KHDRBS2: variants seen among roughly 807,000 people sequenced by gnomAD.
KHDRBS2 encodes KH domain-containing, RNA-binding, signal transduction-associated protein 2.
KHDRBS2 carries 26 observed loss-of-function variants against 44.3 expected under a neutral mutation model. That is an observed-to-expected ratio of 0.59 (90% confidence interval 0.43 to 0.81). The LOEUF is 0.81. KHDRBS2 is among the 40% of genes least tolerant of loss of function. The pLI, the probability that KHDRBS2 is intolerant of heterozygous loss-of-function variation, is 0.00. For missense variants in KHDRBS2, 476 were observed against 433.1 expected (o/e 1.10, Z -0.88); for synonymous variants, 194 against 151.1 (o/e 1.28, Z -2.08).
At chr6:61,714,077 C>G (rs7775168) in intron 7 of KHDRBS2, among the ~76,000 whole-genome samples, 4,696 of 151,550 alleles carry the variant, frequency 0.031, 252 homozygotes, top group African/African-American at 0.11. Context: ...TTCTGCACAG[C>G]AAAATAAATA....
intron 1 of KHDRBS2, among the ~76,000 whole-genome samples, chr6:62,200,876 A>G (rs1041957451): frequency 6.6e-5 from 10 of 151,988 alleles, no homozygotes; most frequent in Non-Finnish European, 1.5e-4. Context: ...AAAATGTGGC[A>G]CATATACACC....
chr6:61,951,876 A>G (rs562739237), intron 4 of KHDRBS2, among the ~76,000 whole-genome samples: 60 of 151,126 alleles, frequency 4.0e-4, no homozygotes, highest in African/African-American at 1.3e-3. Context: ...AGTTCAAAGG[A>G]CACATTAGAG....
chr6:61,751,647 T>G (rs1777707762), intron 6 of KHDRBS2, among the ~76,000 whole-genome samples: 1 of 152,206 alleles, frequency 6.6e-6, no homozygotes, highest in South Asian at 2.1e-4. Flanking sequence ...GCTGCTATTT[T>G]AATTTTAGGG....
chr6:62,213,094 G>A (rs1221403111), intron 1 of KHDRBS2, among the ~76,000 whole-genome samples: 5 of 152,172 alleles, frequency 3.3e-5, no homozygotes, highest in Non-Finnish European at 5.9e-5. Flanking sequence ...GTCAGCAGAC[G>A]TAGCAAGTGT....
chr6:62,164,921 A>AT (rs1315974587), intron 2 of KHDRBS2, among the ~76,000 whole-genome samples: 1 of 151,852 alleles, frequency 6.6e-6, no homozygotes, highest in African/African-American at 2.4e-5. Flanking sequence ...TGAGGTTCAC[A>AT]TTTTTTTGAA....
At chr6:61,809,306 A>C (rs1582950464) in intron 6 of KHDRBS2, among the ~76,000 whole-genome samples, 1 of 152,158 alleles carries the variant, frequency 6.6e-6, no homozygotes, top group African/African-American at 2.4e-5. Flanking sequence ...ATGGCAATAG[A>C]AGAAAAGCTA....
At chr6:61,718,292 A>G (rs778751767) in intron 7 of KHDRBS2, among the ~76,000 whole-genome samples, 4 of 152,116 alleles carry the variant, frequency 2.6e-5, no homozygotes, top group Non-Finnish European at 4.4e-5. Context: ...AAATGTAGAT[A>G]TGTATATTCA....
the KHDRBS2 span, among the ~76,000 whole-genome samples, chr6:61,590,096 T>G: frequency 6.6e-6 from 1 of 152,184 alleles, no homozygotes; most frequent in African/African-American, 2.4e-5. Flanking sequence ...AGCTCAATAG[T>G]TTAGCCTATT....
intron 2 of KHDRBS2, among the ~76,000 whole-genome samples, chr6:62,065,424 A>G (rs1044350263): frequency 1.1e-4 from 17 of 148,890 alleles, no homozygotes; most frequent in Non-Finnish European, 2.1e-4. Flanking sequence ...AAAATGTGGT[A>G]CATATACACC....
the KHDRBS2 span, among the ~76,000 whole-genome samples, chr6:61,563,841 A>C: frequency 6.6e-6 from 1 of 152,282 alleles, no homozygotes; most frequent in African/African-American, 2.4e-5. Context: ...AGCTCACTGC[A>C]GTGTGTGAAA....
intron 6 of KHDRBS2, among the ~76,000 whole-genome samples, chr6:61,790,757 A>C (rs527383854): frequency 6.6e-5 from 10 of 151,692 alleles, no homozygotes; most frequent in Non-Finnish European, 1.0e-4. Context: ...AGGTTTTGAC[A>C]TCCAATTTAT....
intron 2 of KHDRBS2, among the ~76,000 whole-genome samples, chr6:62,115,799 GTTAA>G (rs1562898340): frequency 6.6e-6 from 1 of 151,626 alleles, no homozygotes; most frequent in African/African-American, 2.4e-5. Flanking sequence ...CTTTTTTAAC[GTTAA>G]TTATATATTG....
At chr6:62,167,995 G>T (rs1819063053) in intron 2 of KHDRBS2, among the ~76,000 whole-genome samples, 1 of 152,096 alleles carries the variant, frequency 6.6e-6, no homozygotes, top group Non-Finnish European at 1.5e-5. Context: ...ACACTCTGTG[G>T]GAAGACATGG....
chr6:61,597,730 T>TATATA, the KHDRBS2 span, among the ~76,000 whole-genome samples: 67 of 31,316 alleles, frequency 2.1e-3, 1 homozygote, highest in East Asian at 5.6e-3. Flanking sequence ...ATTTTGCACC[T>TATATA]TTTATATATA....
intron 3 of KHDRBS2, among the ~76,000 whole-genome samples, chr6:61,999,595 A>T (rs1777841264): frequency 6.6e-6 from 1 of 152,124 alleles, no homozygotes; most frequent in South Asian, 2.1e-4. Context: ...AATAGTTTCT[A>T]CAGTGCTTAA....
At chr6:61,735,037 T>C (rs530431887) in intron 6 of KHDRBS2, among the ~76,000 whole-genome samples, 4 of 152,158 alleles carry the variant, frequency 2.6e-5, no homozygotes, top group South Asian at 4.1e-4. Flanking sequence ...TGCTGAAACA[T>C]CTCTTTCAAT....
the KHDRBS2 span, among the ~76,000 whole-genome samples, chr6:61,597,762 A>ATATATATG: frequency 4.1e-5 from 1 of 24,454 alleles, no homozygotes; most frequent in East Asian, 1.5e-3. Context: ...ATATATACAT[A>ATATATATG]TATATATATA....
chr6:61,626,426 G>A, the KHDRBS2 span, among the ~76,000 whole-genome samples: 1 of 152,154 alleles, frequency 6.6e-6, no homozygotes, highest in African/African-American at 2.4e-5. Flanking sequence ...GGTAATTACA[G>A]CTAAGTTTCC....
intron 3 of KHDRBS2, among the ~76,000 whole-genome samples, chr6:62,012,524 A>G (rs1780492995): frequency 6.6e-6 from 1 of 152,128 alleles, no homozygotes; most frequent in African/African-American, 2.4e-5. Flanking sequence ...TAAACGGCCT[A>G]TTTTATCTAG....
Sources: allele counts gnomAD v4.1 joint callset (sites outside exome capture counted in the v4.1 genomes callset), GRCh38; gene constraint gnomAD v4.1.1; transcripts MANE v1.5; gene names NCBI Gene and HGNC (gene_info 2026-07-23, HGNC 2026-07-21).